Variants in MAML2 observed in about 807,000 individuals in gnomAD.
The protein encoded by MAML2 is mastermind like transcriptional coactivator 2.
A neutral mutation model predicts 96.1 loss-of-function variants in MAML2; 22 were observed. The ratio of observed to expected loss-of-function variants is 0.23; its 90% confidence interval spans 0.16 to 0.33. MAML2 has a LOEUF of 0.33. Among genes scored for constraint, MAML2 ranks in the 10% least tolerant of loss-of-function variants. MAML2 has a pLI of 1.00. For synonymous variants in MAML2, 561 were observed against 521.3 expected, an observed-to-expected ratio of 1.08 and a Z score of -1.04; for missense variants, 1,367 against 1,392.4, an observed-to-expected ratio of 0.98 and a Z score of 0.29.
Position 96,159,404 on chromosome 11 carries a change from A to ATTT in MAML2, c.514-65888_514-65887insAAA, listed in dbSNP as rs1157893034. 2.6e-3 allele frequency among the ~76,000 whole-genome samples: 163 copies of ATTT among 61,984 alleles called. 23 individuals carry two copies. Among genetic ancestry groups the ATTT allele is most frequent in the East Asian group, 7.0e-3 (10 of 1,432 alleles). The allele number at this position is 61,984 out of a possible 152,430, so 40.7% of individuals were successfully genotyped here. A position where few individuals can be genotyped will look rare whatever the true frequency, so the allele number is the denominator to read the frequency against. On this transcript the variant is annotated intron_variant, in intron 1 of 4. Transcript: ENST00000524717. ...TACTAACCGTGCCTCTAAACCACTGATTCTTTTTTTTTTTTTTTTTTTTTT... is the reference window on the plus strand; with the variant it reads ...TACTAACCGTGCCTCTAAACCACTGATTTTTCTTTTTTTTTTTTTTTTTTTTTT...
At chr11:96,046,610 T>A (rs1035210255) in intron 2 of MAML2, among the ~76,000 whole-genome samples, 1 of 152,172 alleles carries the variant, frequency 6.6e-6, no homozygotes, top group African/African-American at 2.4e-5. Flanking sequence ...TTTGAACAGG[T>A]GAACTCTGCT....
At chr11:96,187,660 G>A (rs1244799747) in intron 1 of MAML2, among the ~76,000 whole-genome samples, 1 of 152,102 alleles carries the variant, frequency 6.6e-6, no homozygotes, top group Non-Finnish European at 1.5e-5. Context: ...TGGGCATGGT[G>A]GCATGTGACT....
chr11:96,092,691 G>T lies in MAML2; in HGVS notation c.1340C>A (p.Ala447Asp), dbSNP rs772854082. ...KQIAANRQQH[A>D]RMQQHQQQHQ... ...CTGCTGCTGGTGCTGCTGCATCCGG[G>T]CATGCTGCTGACGATTAGCAGCTAT... The change falls in exon 2 of 5, where the codon GCC (alanine) becomes GAC (aspartate). Residue 447 changes from alanine (A) to aspartate (D), a missense_variant. Ala to Asp is a moderately radical substitution (Grantham distance 126). Transcript: ENST00000524717. This position sits in a 1 kb window ranked among gnomAD's most constrained non-coding sequence, Gnocchi z 4.1. The T allele has an allele frequency of 6.2e-7, 1 of 1,613,900 alleles. No homozygotes were observed. The highest frequency in any genetic ancestry group is 1.3e-5 in the African/African-American group (1 of 74,934).
chr11:96,016,834 T>A (rs979795897), intron 2 of MAML2, among the ~76,000 whole-genome samples: 1 of 152,212 alleles, frequency 6.6e-6, no homozygotes, highest in Non-Finnish European at 1.5e-5. Flanking sequence ...TCTGAGACTT[T>A]TTTGAATTTA....
chr11:96,215,244 G>C (rs1163189252), intron 1 of MAML2, among the ~76,000 whole-genome samples: 3 of 152,206 alleles, frequency 2.0e-5, no homozygotes, highest in Non-Finnish European at 4.4e-5. Context: ...TGAGTGGACT[G>C]TATGCCCCTT....
At chr11:96,247,172 C>T (rs1425243413) in intron 1 of MAML2, among the ~76,000 whole-genome samples, 1 of 151,906 alleles carries the variant, frequency 6.6e-6, no homozygotes, top group Admixed American at 6.6e-5. Flanking sequence ...TCAACACACA[C>T]ATTTAGTCTT....
rs967657804 is a variant in MAML2, at chr11:95,979,727, G to C, written c.2692C>G (p.Gln898Glu). The change falls in exon 5 of 5, where the codon CAA (glutamine) becomes GAA (glutamate). Residue 898 changes from glutamine (Q) to glutamate (E), a missense_variant. Transcript: ENST00000524717. ...NQLTQQRNPK[Q>E]LLANQNNPMM... ...GGGTTGTTTTGATTTGCTAACAATT[G>C]CTTTGGGTTTCTCTGTTGGGTCAAT... The C allele has an allele frequency of 6.2e-7, 1 of 1,613,842 alleles. No homozygotes were observed. Among genetic ancestry groups the C allele is most frequent in the Non-Finnish European group, 8.5e-7 (1 of 1,179,878 alleles).
At chr11:96,072,653 C>G (rs374652396) in intron 2 of MAML2, among the ~76,000 whole-genome samples, 2 of 152,234 alleles carry the variant, frequency 1.3e-5, no homozygotes, top group East Asian at 3.9e-4. Context: ...CTTGAAAGAG[C>G]TCGCTGTCAA....
chr11:96,065,230 A>G (rs1236454101), intron 2 of MAML2, among the ~76,000 whole-genome samples: 1 of 152,222 alleles, frequency 6.6e-6, no homozygotes, highest in Non-Finnish European at 1.5e-5. Flanking sequence ...GTTTTATCAA[A>G]TATTTATTCC....
At chr11:96,233,328 A>T (rs1862322282) in intron 1 of MAML2, among the ~76,000 whole-genome samples, 1 of 144,346 alleles carries the variant, frequency 6.9e-6, no homozygotes. Context: ...AGATAAAAGT[A>T]TTATCTTTAA....
chr11:96,083,273 T>C (rs1031660263), intron 2 of MAML2, among the ~76,000 whole-genome samples: 1 of 152,244 alleles, frequency 6.6e-6, no homozygotes, highest in Admixed American at 6.5e-5. Context: ...GTACAAGTTA[T>C]ATTTCTGCTT....
intron 1 of MAML2, among the ~76,000 whole-genome samples, chr11:96,299,060 A>AAAAATATATATATATATATAT (rs55878534): frequency 1.8e-5 from 1 of 56,342 alleles, no homozygotes; most frequent in African/African-American, 9.0e-5. Context: ...AAAAAAAAAA[A>AAAAATATATATATATATATAT]ATATATATAT....
intron 2 of MAML2, among the ~76,000 whole-genome samples, chr11:96,058,294 T>TTCTGTTTG (rs1565201846): frequency 1.3e-5 from 2 of 150,996 alleles, no homozygotes; most frequent in South Asian, 4.2e-4. Context: ...TCCAAGCAGT[T>TTCTGTTTG]TTTGTTTGTT....
chr11:96,207,853 A>G (rs1267348642), intron 1 of MAML2, among the ~76,000 whole-genome samples: 1 of 152,236 alleles, frequency 6.6e-6, no homozygotes, highest in Non-Finnish European at 1.5e-5. Context: ...GTAAACATAT[A>G]CGGTCATCAC....
At chr11:96,105,343 AATTCTCCCCT>A (rs1860005516) in intron 1 of MAML2, among the ~76,000 whole-genome samples, 2 of 152,328 alleles carry the variant, frequency 1.3e-5, no homozygotes, top group Non-Finnish European at 1.5e-5. Context: ...CATCTCCACC[AATTCTCCCCT>A]CAATGCACAA....
chr11:96,200,728 G>T (rs1225987772), intron 1 of MAML2, among the ~76,000 whole-genome samples: 1 of 152,170 alleles, frequency 6.6e-6, no homozygotes, highest in Non-Finnish European at 1.5e-5. Flanking sequence ...GTATTTGGTG[G>T]AGGGTGGTGG....
rs199713911 is a variant in MAML2 at position 95,979,556 on chromosome 11, C to T, written c.2863G>A (p.Val955Ile). Reference sequence around the variant, plus strand: ...GCAGTTGTGTTGGATGTGATCATTACGTTTGATGTTCTCTGTGGTGGCATG... The same window carrying T: ...GCAGTTGTGTTGGATGTGATCATTATGTTTGATGTTCTCTGTGGTGGCATG... Reference protein sequence around the residue: ...ASMPPQRTSNVMITSNTTAPN... With the variant: ...ASMPPQRTSNIMITSNTTAPN... The change falls in exon 5 of 5, where the codon GTA becomes ATA. Residue 955 changes from valine to isoleucine, a missense_variant. Val to Ile is a conservative substitution (Grantham distance 29). Transcript: ENST00000524717. 128 of 1,613,720 alleles carry T rather than the reference C, an allele frequency of 7.9e-5. 1 individual carries two copies. In the African/African-American group the frequency reaches 1.3e-3, roughly 16 times the overall value.
chr11:96,099,601 G>C (rs1262328178), intron 1 of MAML2, among the ~76,000 whole-genome samples: 1 of 152,128 alleles, frequency 6.6e-6, no homozygotes, highest in South Asian at 2.1e-4. Flanking sequence ...CATATTCTAG[G>C]TGTTTTAATA....
chr11:96,046,250 A>AGAGAC (rs1465114748), intron 2 of MAML2, among the ~76,000 whole-genome samples: 1 of 152,140 alleles, frequency 6.6e-6, no homozygotes, highest in Non-Finnish European at 1.5e-5. Flanking sequence ...GCTCGAGCCA[A>AGAGAC]GAGACGTGAT....
Sources: allele counts gnomAD v4.1 joint callset (sites outside exome capture counted in the v4.1 genomes callset), GRCh38; gene constraint gnomAD v4.1.1; non-coding constraint Gnocchi (gnomAD v3.1); transcripts MANE v1.5; gene names NCBI Gene and HGNC (gene_info 2026-07-23, HGNC 2026-07-21).